PARD3B: variants seen among roughly 807,000 people sequenced by gnomAD.
The protein encoded by PARD3B is par-3 family cell polarity regulator beta, also known as partitioning defective 3 homolog B.
A neutral mutation model predicts 130.2 loss-of-function variants in PARD3B; 103 were observed. That is an observed-to-expected ratio of 0.79 (90% CI 0.67 to 0.93). PARD3B has a LOEUF of 0.93. Ranked by LOEUF, PARD3B falls within the 40% of genes least tolerant of loss-of-function variation. The pLI, the probability that PARD3B is intolerant of heterozygous loss-of-function variation, is 0.00. For missense variants in PARD3B, 1,609 were observed against 1,499.2 expected (o/e 1.07, Z -1.21); for synonymous variants, 583 against 553.2 (o/e 1.05, Z -0.76).
chr2:205,178,363 G>A lies in PARD3B; in HGVS notation c.1924+1786G>A, dbSNP rs35129512. Among the ~76,000 whole-genome samples, 28 of 152,176 alleles carry A rather than the reference G, an allele frequency of 1.8e-4. No individual in the cohort carries two copies. The Middle Eastern group carries it at 0.01, about 55-fold the overall frequency. On this transcript the variant is annotated intron_variant, in intron 13 of 22. Transcript: ENST00000406610. ...AGCTACTCGGGAGGCTGAGGCAGGA[G>A]AATGGTGTAAACCCAGGAGGCGGAG...
chr2:204,778,185 A>G (rs931948288), intron 2 of PARD3B, among the ~76,000 whole-genome samples: 2 of 151,306 alleles, frequency 1.3e-5, no homozygotes, highest in Admixed American at 6.6e-5. Context: ...TTGTTCCTCT[A>G]TATTCTGCTT....
At chr2:205,322,486 G>A (rs1303001511) in intron 18 of PARD3B, among the ~76,000 whole-genome samples, 1 of 152,078 alleles carries the variant, frequency 6.6e-6, no homozygotes, top group Non-Finnish European at 1.5e-5. Context: ...GAACATTCAC[G>A]CCAGCTCTTA....
chr2:205,420,997 T>A (rs866852642), intron 19 of PARD3B, among the ~76,000 whole-genome samples: 2 of 152,104 alleles, frequency 1.3e-5, no homozygotes, highest in South Asian at 4.2e-4. Flanking sequence ...AAAAATTAGC[T>A]GGATGTGGTG....
chr2:205,181,549 C>T (rs1456037793), intron 13 of PARD3B, among the ~76,000 whole-genome samples: 2 of 152,206 alleles, frequency 1.3e-5, no homozygotes, highest in Non-Finnish European at 2.9e-5. Context: ...AGCAGAAGCA[C>T]TCATGGACAA....
At chr2:204,903,283 A>G (rs2046932708) in intron 2 of PARD3B, among the ~76,000 whole-genome samples, 2 of 152,234 alleles carry the variant, frequency 1.3e-5, no homozygotes, top group Non-Finnish European at 2.9e-5. Context: ...GAACTTTCTT[A>G]TGACTCAGAG....
At chr2:205,583,193 C>A (rs1336200996) in intron 22 of PARD3B, among the ~76,000 whole-genome samples, 1 of 152,162 alleles carries the variant, frequency 6.6e-6, no homozygotes, top group African/African-American at 2.4e-5. Context: ...TTAACAAGTA[C>A]GCAGGCACTG....
intron 2 of PARD3B, among the ~76,000 whole-genome samples, chr2:204,704,874 A>T (rs2038061900): frequency 6.6e-6 from 1 of 150,976 alleles, no homozygotes; most frequent in African/African-American, 2.5e-5. Flanking sequence ...CTGTCAAAAC[A>T]TTATAAAATT....
chr2:205,209,704 C>A (rs1249381832), intron 15 of PARD3B, among the ~76,000 whole-genome samples: 1 of 151,646 alleles, frequency 6.6e-6, no homozygotes, highest in Non-Finnish European at 1.5e-5. Context: ...TTGTTATTGG[C>A]AATACTTTAT....
Position 205,003,579 on chromosome 2 carries a change from A to T in PARD3B, c.394+38256A>T, listed in dbSNP as rs189764360. Among the ~76,000 whole-genome samples the T allele has an allele frequency of 3.4e-3, 512 of 152,244 alleles. 1 individual carries two copies. The highest frequency in any genetic ancestry group is 5.8e-3 in the Non-Finnish European group (396 of 68,010). On this transcript the variant is annotated intron_variant, in intron 3 of 22. Transcript: ENST00000406610. ...CTTCTCAGTAAGCTCTGTTCTGACC[A>T]CTTTACTGAATTGTAGCCCACAGTC...
chr2:205,098,673 A>G (rs1418829381), intron 4 of PARD3B, among the ~76,000 whole-genome samples: 3 of 152,176 alleles, frequency 2.0e-5, no homozygotes, highest in Non-Finnish European at 2.9e-5. Flanking sequence ...GAAATATGAA[A>G]TGATAGCCTG....
chr2:205,162,273 A>G (rs1234942585), intron 11 of PARD3B, among the ~76,000 whole-genome samples: 1 of 152,210 alleles, frequency 6.6e-6, no homozygotes, highest in African/African-American at 2.4e-5. Flanking sequence ...AAGTCTGTAC[A>G]TTAAGAAATA....
intron 18 of PARD3B, among the ~76,000 whole-genome samples, chr2:205,315,322 G>A (rs1182097633): frequency 6.6e-6 from 1 of 152,080 alleles, no homozygotes; most frequent in Non-Finnish European, 1.5e-5. Context: ...ACCTAATAGA[G>A]TGGCCCCGAG....
At chr2:205,150,252 T>TGTGTGTGTGTGCGCGCGCGC (rs375301293) in intron 10 of PARD3B, among the ~76,000 whole-genome samples, 1 of 145,780 alleles carries the variant, frequency 6.9e-6, no homozygotes, top group African/African-American at 2.6e-5. Flanking sequence ...TGTGTGTGTG[T>TGTGTGTGTGTGCGCGCGCGC]GCACACACGC....
At chr2:204,938,002 C>T (rs549217465) in intron 2 of PARD3B, among the ~76,000 whole-genome samples, 5 of 152,250 alleles carry the variant, frequency 3.3e-5, no homozygotes, top group East Asian at 1.9e-4. Context: ...AGCAGTGACA[C>T]GCCAGTGGCT....
chr2:205,615,365 C>T (rs2055388538), intron 22 of PARD3B, 91 bp from the exon 23 acceptor site: 2 of 1,121,108 alleles, frequency 1.8e-6, no homozygotes, highest in Admixed American at 2.2e-5. Flanking sequence ...GCGGTGGCCA[C>T]ACCAAACTGC....
At chr2:204,704,332 G>A (rs183578585) in intron 2 of PARD3B, among the ~76,000 whole-genome samples, 1 of 152,312 alleles carries the variant, frequency 6.6e-6, no homozygotes, top group African/African-American at 2.4e-5. Flanking sequence ...CGTTGAAACT[G>A]TAGCTCTTGT....
chr2:205,260,413 C>G (rs911153573), intron 16 of PARD3B, among the ~76,000 whole-genome samples: 1 of 152,132 alleles, frequency 6.6e-6, no homozygotes, highest in African/African-American at 2.4e-5. Flanking sequence ...GACCTATCTT[C>G]TAGCTCCAGT....
chr2:205,475,652 C>G (rs570820271), intron 20 of PARD3B, among the ~76,000 whole-genome samples: 1 of 152,160 alleles, frequency 6.6e-6, no homozygotes, highest in Admixed American at 6.5e-5. Context: ...GGGGGAGAGC[C>G]ATTAGAAAAG....
chr2:204,929,337 C>G (rs1245668334), intron 2 of PARD3B, among the ~76,000 whole-genome samples: 1 of 152,070 alleles, frequency 6.6e-6, no homozygotes, highest in African/African-American at 2.4e-5. Context: ...TCTCAGTAAT[C>G]TAAACGTCAA....
Sources: allele counts gnomAD v4.1 joint callset (sites outside exome capture counted in the v4.1 genomes callset), GRCh38; gene constraint gnomAD v4.1.1; transcripts MANE v1.5; gene names NCBI Gene and HGNC (gene_info 2026-07-23, HGNC 2026-07-21).